KIF5B: variants seen among roughly 807,000 people sequenced by gnomAD.
The protein encoded by KIF5B is kinesin family member 5B, also known as kinesin-1 heavy chain.
In KIF5B, 49 loss-of-function variants were observed where a neutral mutation model predicts 132.8. The ratio of observed to expected loss-of-function variants is 0.37; its 90% CI spans 0.29 to 0.47. The LOEUF is 0.47. Ranked by LOEUF, KIF5B falls within the 20% of genes least tolerant of loss-of-function variation. The probability of loss-of-function intolerance (pLI) is 1.00; values close to 1 mark genes in which losing one functional copy is unlikely to be tolerated. For missense variants in KIF5B, 780 were observed against 1,144.0 expected (o/e 0.68, Z 4.59); for synonymous variants, 355 against 369.4 (o/e 0.96, Z 0.45).
chr10:32,034,300 TG>T (rs1255269266), intron 11 of KIF5B, among the ~76,000 whole-genome samples: 1 of 151,978 alleles, frequency 6.6e-6, no homozygotes, highest in Non-Finnish European at 1.5e-5. Flanking sequence ...TCAGTAGAGA[TG>T]GGGTTTCAAC....
chr10:32,010,358 C>G lies in KIF5B; in HGVS notation c.*1179G>C, dbSNP rs1157968342. ...CTGATTACAAAATTATCGGCTATGG[C>G]CAAGAAAATAATTTATCTAATGATT... On this transcript the variant is annotated 3_prime_UTR_variant, in exon 26 of 26. Transcript: ENST00000302418. The G allele has an allele frequency of 6.6e-6, 1 of 152,030 alleles. No homozygotes were observed. Among genetic ancestry groups the G allele is most frequent in the Admixed American group, 6.6e-5 (1 of 15,262 alleles). 9.4% of individuals were successfully genotyped at this position (152,030 alleles called of 1,614,324 possible).
At position 32,035,678 on chromosome 10, in the gene KIF5B, AAACAAAGAAAGAAAAC is replaced by A; in HGVS notation, c.817-27_817-12del. On this transcript the variant is annotated splice_polypyrimidine_tract_variant and intron_variant, in intron 9 of 25. Transcript: ENST00000302418. ...ATATGGAACATATGTCTGCATACAAAAACAAAGAAAGAAAACAAGACCAGTATAATAAAATGTTATT... is the reference window on the plus strand; with the variant it reads ...ATATGGAACATATGTCTGCATACAAAAAGACCAGTATAATAAAATGTTATT... 6.3e-7 allele frequency: 1 copy of A among 1,587,984 alleles called. No individual in the cohort carries two copies. The highest frequency in any genetic ancestry group is 8.5e-7 in the Non-Finnish European group (1 of 1,171,002).
chr10:32,033,322 G>A (rs1352747408), intron 12 of KIF5B, among the ~76,000 whole-genome samples: 2 of 152,176 alleles, frequency 1.3e-5, no homozygotes, highest in African/African-American at 4.8e-5. Flanking sequence ...AGCCTGTTAG[G>A]AACCAAGAAG....
chr10:32,018,212 A>G (rs1186581309), intron 22 of KIF5B, 56 bp from the exon 23 acceptor site: 5 of 1,464,698 alleles, frequency 3.4e-6, no homozygotes, highest in Non-Finnish European at 3.7e-6. Flanking sequence ...GCTTAACTAT[A>G]CAAAAATTGA....
chr10:32,044,057 G>A lies in KIF5B; in HGVS notation c.215-3600C>T, dbSNP rs1592452663. The stretch of plus-strand genomic sequence containing the variant: ...CTAGGTACCCACGACCTACCCCTAC[G>A]CCATCTTTCTCCTTAAATATGTGTA... On this transcript the variant is annotated intron_variant, in intron 2 of 25. Transcript: ENST00000302418. Among the ~76,000 whole-genome samples the A allele has an allele frequency of 4.6e-5, 7 of 152,072 alleles. No individual in the cohort carries two copies. The South Asian group carries it at 1.5e-3, about 32-fold the overall frequency.
chr10:32,044,272 C>G (rs1342453813), intron 2 of KIF5B, among the ~76,000 whole-genome samples: 1 of 152,212 alleles, frequency 6.6e-6, no homozygotes, highest in African/African-American at 2.4e-5. Flanking sequence ...ACCTTGTATT[C>G]TAACACTTGC....
At chr10:32,014,690 C>CTCAA (rs1360397217) in intron 25 of KIF5B, among the ~76,000 whole-genome samples, 1 of 152,014 alleles carries the variant, frequency 6.6e-6, no homozygotes, top group African/African-American at 2.4e-5. Context: ...GTAAGCTGGG[C>CTCAA]TCATAAGCAA....
rs1175444496 is a variant in KIF5B, at chr10:32,009,875, A to G, written c.*1662T>C. 1 of 152,148 alleles carries G rather than the reference A, an allele frequency of 6.6e-6. No individual in the cohort carries two copies. Among genetic ancestry groups the G allele is most frequent in the Non-Finnish European group, 1.5e-5 (1 of 68,016 alleles). The allele number at this position is 152,148 out of a possible 1,614,324, so 9.4% of individuals were successfully genotyped here. A position where few individuals can be genotyped will look rare whatever the true frequency, so the allele number is the denominator to read the frequency against. On this transcript the variant is annotated 3_prime_UTR_variant, in exon 26 of 26. Coordinates refer to ENST00000302418, the MANE Select transcript of KIF5B (RefSeq NM_004521.3). ...ATTTTTGGAGTGTTTCTTCTGATCA[A>G]TCCTAAAAGCAACACAATCATTTTA...
intron 11 of KIF5B, 148 bp downstream of exon 11, chr10:32,034,542 G>C: frequency 1.9e-6 from 1 of 525,616 alleles, no homozygotes; most frequent in Non-Finnish European, 3.1e-6. Context: ...TCAGCTCCAG[G>C]ATTTCTATTA....
At chr10:32,036,034 G>T in intron 8 of KIF5B, 40 bp from the exon 9 acceptor site, 1 of 1,320,512 alleles carries the variant, frequency 7.6e-7, no homozygotes, top group Non-Finnish European at 1.0e-6. Context: ...AAAATTACAA[G>T]TTTATAATTT....
chr10:32,015,779 T>C, intron 24 of KIF5B, 120 bp from the exon 25 acceptor site: 1 of 769,606 alleles, frequency 1.3e-6, no homozygotes, highest in South Asian at 1.9e-5. Context: ...CTTTGCCTTT[T>C]TGTTTCTCCA....
intron 25 of KIF5B, among the ~76,000 whole-genome samples, chr10:32,013,562 T>C (rs545499885): frequency 3.9e-5 from 6 of 152,302 alleles, no homozygotes; most frequent in African/African-American, 1.4e-4. Flanking sequence ...CAGTCCTGAA[T>C]TGTACTCTGG....
chr10:32,050,432 C>T (rs1841679042), intron 1 of KIF5B, among the ~76,000 whole-genome samples: 1 of 152,200 alleles, frequency 6.6e-6, no homozygotes, highest in Non-Finnish European at 1.5e-5. Context: ...ACCATCTCAG[C>T]TAAAACTGCC....
chr10:32,029,622 C>T (rs1190521822), intron 14 of KIF5B, among the ~76,000 whole-genome samples: 1 of 152,148 alleles, frequency 6.6e-6, no homozygotes, highest in Non-Finnish European at 1.5e-5. Flanking sequence ...TTACCAGACA[C>T]TCTCTAACTG....
In KIF5B at chr10:32,031,207, C is replaced by T; in HGVS notation, c.1447G>A (p.Ala483Thr). The change falls in exon 14 of 26, where the codon GCC becomes ACC. Residue 483 changes from alanine (A) to threonine (T), a missense_variant. By Grantham distance (58) the Ala-to-Thr change is moderately conservative (BLOSUM62 0). This residue lies in a region of KIF5B where 471 missense variants were observed against 569.9 expected (regional missense o/e 0.83). Transcript: ENST00000302418. ...ELNRLQAEND[A>T]SKEEVKEVLQ... ...ACTTCTTTCACTTCTTCTTTAGAGG[C>T]ATCATTTTCTGCTTGAAGGCGATTC... 6.2e-7 allele frequency: 1 copy of T among 1,614,006 alleles called. No homozygotes were observed. Among genetic ancestry groups the T allele is most frequent in the Non-Finnish European group, 8.5e-7 (1 of 1,179,964 alleles).
chr10:32,051,686 T>C (rs575067377), intron 1 of KIF5B, among the ~76,000 whole-genome samples: 11 of 152,348 alleles, frequency 7.2e-5, no homozygotes, highest in Admixed American at 1.3e-4. Flanking sequence ...CAGTCTTATC[T>C]TGATTGCAAA....
rs1453749125 is a variant in KIF5B at position 32,023,052 on chromosome 10, A to G, written c.1726-16T>C. 6.7e-6 allele frequency: 10 copies of G among 1,486,876 alleles called. No individual in the cohort carries two copies. In the East Asian group the frequency reaches 9.3e-5, roughly 14 times the overall value. 92.1% of individuals were successfully genotyped at this position (1,486,876 alleles called of 1,614,324 possible). A position where few individuals can be genotyped will look rare whatever the true frequency, so the allele number is the denominator to read the frequency against. On this transcript the variant is annotated splice_polypyrimidine_tract_variant and intron_variant, in intron 15 of 25. Transcript: ENST00000302418. ...CCTCAGGCTGCTGTAAGGAAAAAGT[A>G]AAATAAAAAATTAAAGCCAAAAATG...
chr10:32,037,712 A>C (rs948755485), intron 6 of KIF5B, 105 bp from the exon 7 acceptor site: 6 of 756,746 alleles, frequency 7.9e-6, no homozygotes, highest in Non-Finnish European at 1.1e-5. Context: ...GGGTGCCTGT[A>C]ATCCTAGCTA....
intron 15 of KIF5B, among the ~76,000 whole-genome samples, chr10:32,028,098 G>A (rs1841355856): frequency 6.6e-6 from 1 of 151,936 alleles, no homozygotes; most frequent in Non-Finnish European, 1.5e-5. Flanking sequence ...CCAGTAGCTG[G>A]GACTACAGGC....
Sources: gnomAD v4.1 joint callset for allele counts (sites outside exome capture counted in the v4.1 genomes callset) on GRCh38, gnomAD v4.1.1 for gene constraint, gnomAD v4.1.1 regional missense constraint, MANE v1.5 for transcripts, NCBI Gene and HGNC (gene_info 2026-07-23, HGNC 2026-07-21) for gene names.